HADHB: variants seen among roughly 807,000 people sequenced by gnomAD.
The protein encoded by HADHB is trifunctional enzyme subunit beta, mitochondrial.
Under a neutral mutation model 61.9 loss-of-function variants are expected in HADHB, and 50 were observed. The observed-to-expected ratio is 0.81, with a 90% confidence interval of 0.64 to 1.02. The LOEUF (loss-of-function observed/expected upper bound fraction) is 1.02. Ranked by LOEUF, HADHB falls within the 50% of genes least tolerant of loss-of-function variation. The probability of loss-of-function intolerance (pLI) is 0.00; values close to 1 mark genes in which losing one functional copy is unlikely to be tolerated. For missense variants in HADHB, 504 were observed against 586.5 expected (o/e 0.86, Z 1.45); for synonymous variants, 191 against 201.6 (o/e 0.95, Z 0.45).
At chr2:26,248,177 T>A (rs182835935) in intron 1 of HADHB, among the ~76,000 whole-genome samples, 71 of 152,358 alleles carry the variant, frequency 4.7e-4, no homozygotes, top group African/African-American at 1.6e-3. Flanking sequence ...GCTTGCTTTT[T>A]CATTTAATAT....
intron 3 of HADHB, among the ~76,000 whole-genome samples, chr2:26,262,694 A>G (rs1420487442): frequency 1.3e-5 from 2 of 152,238 alleles, no homozygotes; most frequent in African/African-American, 4.8e-5. Flanking sequence ...AGGTAAGAAC[A>G]TCAAGCTATG....
chr2:26,249,346 A>G (rs1671295778), intron 1 of HADHB, among the ~76,000 whole-genome samples: 2 of 151,666 alleles, frequency 1.3e-5, no homozygotes, highest in Non-Finnish European at 1.5e-5. Context: ...TCCTGTCTCT[A>G]CTAAAATAAA....
In HADHB at chr2:26,285,739, G is replaced by GTTT. The variant is rs766742523; in HGVS notation, c.1389+184_1389+186dup. Among the ~76,000 whole-genome samples, 72 of 65,094 alleles carry GTTT rather than the reference G, an allele frequency of 1.1e-3. 14 individuals are homozygous for GTTT. Among genetic ancestry groups the GTTT allele is most frequent in the African/African-American group, 3.9e-3 (59 of 15,154 alleles). The allele number at this position is 65,094 out of a possible 152,430, so 42.7% of individuals were successfully genotyped here. A position where few individuals can be genotyped will look rare whatever the true frequency, so the allele number is the denominator to read the frequency against. On this transcript the variant is annotated intron_variant, in intron 15 of 15. Transcript: ENST00000317799. ...TCTGATAAAACTTTTTGTTTTTTGG[G>GTTT]TTTTTTTTTTTTTTTTTTGAGACAG... is the stretch of plus-strand genomic sequence containing the variant.
intron 1 of HADHB, among the ~76,000 whole-genome samples, chr2:26,251,878 G>A (rs939692749): frequency 3.9e-5 from 6 of 152,208 alleles, no homozygotes; most frequent in African/African-American, 1.4e-4. Context: ...ACCGCCAAAT[G>A]TAGCAGTTTA....
intron 13 of HADHB, 142 bp from the exon 14 acceptor site, chr2:26,284,741 A>G (rs915393180): frequency 2.8e-6 from 2 of 710,358 alleles, no homozygotes; most frequent in Non-Finnish European, 5.2e-6. Context: ...TGCTGGGATT[A>G]CAGATGTGAG....
rs191309112 is a variant in HADHB at position 26,270,235 on chromosome 2, A to T, written c.254+238A>T. On this transcript the variant is annotated intron_variant, in intron 5 of 15. Transcript: ENST00000317799. ...ATTGATCAGCCTAAACACAATACAT[A>T]TATTTGATGATTGCCTTAGGAACTT... Among the ~76,000 whole-genome samples, 34 of 152,326 alleles carry T rather than the reference A, an allele frequency of 2.2e-4. No individual in the cohort carries two copies. In the East Asian group the frequency reaches 4.8e-3, roughly 22 times the overall value.
intron 1 of HADHB, among the ~76,000 whole-genome samples, chr2:26,250,327 A>G (rs1671350044): frequency 6.6e-6 from 1 of 152,168 alleles, no homozygotes; most frequent in East Asian, 1.9e-4. Context: ...AATTTGTACA[A>G]GTTCTTTATG....
chr2:26,279,108 C>T (rs1442161834), intron 8 of HADHB, 27 bp from the exon 9 acceptor site: 1 of 1,588,388 alleles, frequency 6.3e-7, no homozygotes, highest in Admixed American at 1.7e-5. Flanking sequence ...AACAGTGTAC[C>T]TGCTCCTTGG....
In HADHB at chr2:26,284,157, T is replaced by G. The variant is rs778836074; in HGVS notation, c.1102T>G (p.Leu368Val). The change falls in exon 13 of 16, where the codon TTG becomes GTG. Residue 368 changes from leucine (L) to valine (V), a missense_variant. Leu to Val is a conservative substitution (Grantham distance 32). Transcript: ENST00000317799. ...TCCAAAAGTTCTAGAAAAGGCAGGA[T>G]TGACCATGAATGATATTGATGCTTT... ...ATPKVLEKAG[L>V]TMNDIDAFEF... is the part of the protein sequence containing the mutation. 11 of 1,603,048 alleles carry G rather than the reference T, an allele frequency of 6.9e-6. No homozygotes were observed. The highest frequency in any genetic ancestry group is 9.4e-6 in the Non-Finnish European group (11 of 1,170,112).
At chr2:26,278,827 C>G in intron 8 of HADHB, 26 bp downstream of exon 8, 2 of 1,573,328 alleles carry the variant, frequency 1.3e-6, no homozygotes, top group Non-Finnish European at 1.7e-6. Flanking sequence ...GCAGGGCATC[C>G]CACTGCAGAG....
chr2:26,253,842 A>G (rs182050411), intron 1 of HADHB, among the ~76,000 whole-genome samples: 6 of 147,896 alleles, frequency 4.1e-5, no homozygotes, highest in Non-Finnish European at 8.9e-5. Context: ...AACAAGAGCA[A>G]AACTCCATCT....
chr2:26,278,907 A>G (rs1284615959), intron 8 of HADHB, 106 bp downstream of exon 8: 2 of 1,082,190 alleles, frequency 1.8e-6, no homozygotes, highest in Non-Finnish European at 2.9e-6. Context: ...AGTTACAGGA[A>G]AGGGTTAATT....
intron 4 of HADHB, among the ~76,000 whole-genome samples, chr2:26,266,871 C>CAAA (rs56401595): frequency 2.6e-4 from 12 of 45,408 alleles, no homozygotes; most frequent in African/African-American, 7.9e-4. Context: ...CACTCTCTCT[C>CAAA]AAAAAAAAAA....
At chr2:26,281,006 G>A (rs1238761942) in intron 10 of HADHB, among the ~76,000 whole-genome samples, 2 of 152,034 alleles carry the variant, frequency 1.3e-5, no homozygotes, top group Non-Finnish European at 2.9e-5. Flanking sequence ...ACAAGGAAAA[G>A]CAGGCAGAAA....
chr2:26,256,557 G>A (rs1671620555), intron 3 of HADHB, among the ~76,000 whole-genome samples: 1 of 151,754 alleles, frequency 6.6e-6, no homozygotes, highest in Non-Finnish European at 1.5e-5. Flanking sequence ...ACACACACAC[G>A]TGTATAATAG....
Position 26,273,847 on chromosome 2 carries a change from A to T in HADHB, c.354+97A>T, listed in dbSNP as rs540132888. 3 of 726,678 alleles carry T rather than the reference A, an allele frequency of 4.1e-6. No homozygotes were observed. In the African/African-American group the frequency reaches 5.2e-5, roughly 13 times the overall value. The allele number at this position is 726,678 out of a possible 1,614,324, so 45.0% of individuals were successfully genotyped here. A position where few individuals can be genotyped will look rare whatever the true frequency, so the allele number is the denominator to read the frequency against. On this transcript the variant is annotated intron_variant, in intron 6 of 15. Coordinates refer to ENST00000317799, the MANE Select transcript of HADHB (RefSeq NM_000183.3). ...TACTTTACAAAAGCCTTTAAAATCT[A>T]TTGAGTTACATTTGACCTAAAATGT... is the stretch of plus-strand genomic sequence containing the variant.
chr2:26,270,704 T>C (rs1672301427), intron 5 of HADHB, among the ~76,000 whole-genome samples: 1 of 152,184 alleles, frequency 6.6e-6, no homozygotes, highest in Admixed American at 6.5e-5. Context: ...TAGAATCTTC[T>C]CTTAATAATG....
At chr2:26,289,670 C>T (rs1414306015) in intron 15 of HADHB, among the ~76,000 whole-genome samples, 1 of 152,058 alleles carries the variant, frequency 6.6e-6, no homozygotes, top group African/African-American at 2.4e-5. Context: ...TATATACACA[C>T]ATATACAAAT....
At chr2:26,249,097 T>G (rs1270327661) in intron 1 of HADHB, among the ~76,000 whole-genome samples, 1 of 152,144 alleles carries the variant, frequency 6.6e-6, no homozygotes, top group Non-Finnish European at 1.5e-5. Context: ...TTAGTGAGGT[T>G]GAACATTATA....
Sources: gnomAD v4.1 joint callset for allele counts (sites outside exome capture counted in the v4.1 genomes callset) on GRCh38, gnomAD v4.1.1 for gene constraint, MANE v1.5 for transcripts, NCBI Gene and HGNC (gene_info 2026-07-23, HGNC 2026-07-21) for gene names.